STAG1: variants seen among roughly 807,000 people sequenced by gnomAD.
STAG1 encodes the protein STAG1 cohesin complex component.
Under a neutral mutation model 170.9 loss-of-function variants are expected in STAG1, and 26 were observed. That is an observed-to-expected ratio of 0.15 (90% confidence interval 0.11 to 0.21). The LOEUF is 0.21. Among genes scored for constraint, STAG1 ranks in the 10% least tolerant of loss-of-function variants. The pLI is 1.00. For missense variants in STAG1, 964 were observed against 1,509.5 expected (o/e 0.64, Z 5.99); for synonymous variants, 514 against 497.7 (o/e 1.03, Z -0.44).
intron 12 of STAG1, among the ~76,000 whole-genome samples, chr3:136,471,934 C>A (rs1576503147): frequency 6.6e-6 from 1 of 152,118 alleles, no homozygotes; most frequent in Non-Finnish European, 1.5e-5. Context: ...ACCTTCTGGG[C>A]TCAAGCGACC....
intron 1 of STAG1, among the ~76,000 whole-genome samples, chr3:136,692,117 C>T (rs1425409981): frequency 6.6e-6 from 1 of 151,486 alleles, no homozygotes; most frequent in East Asian, 1.9e-4. Context: ...GAGTTTGAGA[C>T]CAGCCTGGCC....
chr3:136,402,037 C>G (rs555080306), intron 21 of STAG1, among the ~76,000 whole-genome samples: 33 of 152,166 alleles, frequency 2.2e-4, no homozygotes, highest in Non-Finnish European at 3.7e-4. Context: ...AGCCACCGCG[C>G]CCACCCAATA....
intron 6 of STAG1, among the ~76,000 whole-genome samples, chr3:136,534,164 C>A (rs1246117033): frequency 6.6e-6 from 1 of 152,038 alleles, no homozygotes; most frequent in Non-Finnish European, 1.5e-5. Context: ...GGGATGGACA[C>A]CTCCCTTCAC....
At chr3:136,451,280 T>C (rs1471831157) in intron 14 of STAG1, among the ~76,000 whole-genome samples, 1 of 152,082 alleles carries the variant, frequency 6.6e-6, no homozygotes, top group African/African-American at 2.4e-5. Flanking sequence ...TAACTGAATA[T>C]AGCACATGGA....
intron 1 of STAG1, among the ~76,000 whole-genome samples, chr3:136,632,480 T>C (rs559991964): frequency 3.9e-4 from 60 of 152,246 alleles, no homozygotes; most frequent in African/African-American, 1.4e-3. Flanking sequence ...CAATACCAAC[T>C]TCCTTCTCAA....
intron 28 of STAG1, among the ~76,000 whole-genome samples, chr3:136,349,985 A>G (rs963395774): frequency 7.2e-5 from 11 of 151,880 alleles, no homozygotes; most frequent in African/African-American, 2.7e-4. Context: ...ATCCCTACAA[A>G]AAAAATTAGC....
At chr3:136,566,231 C>T (rs1452121992) in intron 5 of STAG1, among the ~76,000 whole-genome samples, 3 of 152,082 alleles carry the variant, frequency 2.0e-5, no homozygotes, top group African/African-American at 7.2e-5. Context: ...GAGTGGGACC[C>T]TCATGAATGA....
chr3:136,722,608 GACTCTC>G (rs1933346460), intron 1 of STAG1, among the ~76,000 whole-genome samples: 1 of 149,116 alleles, frequency 6.7e-6, no homozygotes, highest in African/African-American at 2.5e-5. Context: ...TGGAGAGCAT[GACTCTC>G]CCTCTCCCTC....
intron 1 of STAG1, among the ~76,000 whole-genome samples, chr3:136,733,578 TTGATACAGTG>T (rs1329138873): frequency 4.6e-5 from 7 of 152,208 alleles, no homozygotes; most frequent in African/African-American, 1.7e-4. Flanking sequence ...CAATTAGAAT[TTGATACAGTG>T]TGATTCAGGC....
chr3:136,416,989 G>C (rs2087794441), intron 21 of STAG1, among the ~76,000 whole-genome samples: 1 of 151,890 alleles, frequency 6.6e-6, no homozygotes, highest in Non-Finnish European at 1.5e-5. Flanking sequence ...GGGGACTACA[G>C]GCGCATGCCA....
At chr3:136,618,311 A>G (rs1424149103) in intron 3 of STAG1, among the ~76,000 whole-genome samples, 3 of 152,234 alleles carry the variant, frequency 2.0e-5, no homozygotes, top group Non-Finnish European at 4.4e-5. Context: ...GGAATGACAC[A>G]GCAGCAGGCG....
At chr3:136,496,437 A>C (rs1448601694) in intron 9 of STAG1, among the ~76,000 whole-genome samples, 1 of 152,202 alleles carries the variant, frequency 6.6e-6, no homozygotes, top group Non-Finnish European at 1.5e-5. Flanking sequence ...AAGCATTCAA[A>C]TCATACAAAC....
chr3:136,580,179 G>C (rs1380206825), intron 4 of STAG1, among the ~76,000 whole-genome samples: 2 of 151,952 alleles, frequency 1.3e-5, no homozygotes, highest in African/African-American at 4.8e-5. Context: ...ATGTTGGCCA[G>C]GATGGTCTTG....
intron 5 of STAG1, among the ~76,000 whole-genome samples, chr3:136,563,509 GAC>G (rs574379695): frequency 1.4e-3 from 205 of 150,464 alleles, no homozygotes; most frequent in African/African-American, 2.5e-3. Context: ...TAAACTTTCC[GAC>G]ACACACACAC....
intron 1 of STAG1, among the ~76,000 whole-genome samples, chr3:136,668,820 A>G (rs771896041): frequency 3.0e-4 from 45 of 152,324 alleles, no homozygotes; most frequent in South Asian, 1.7e-3. Context: ...GCTATCAGCT[A>G]ACACTCCTCA....
At chr3:136,737,965 G>A (rs544099594) in intron 1 of STAG1, among the ~76,000 whole-genome samples, 5 of 152,032 alleles carry the variant, frequency 3.3e-5, no homozygotes, top group African/African-American at 4.8e-5. Context: ...CTACTCAGGA[G>A]GCTGAGGCAG....
chr3:136,666,687 G>T (rs965455701), intron 1 of STAG1, among the ~76,000 whole-genome samples: 7 of 152,020 alleles, frequency 4.6e-5, no homozygotes, highest in African/African-American at 1.7e-4. Flanking sequence ...AGGCATGGTG[G>T]TGGGCACCTG....
At chr3:136,382,613 G>A (rs1186387089) in intron 22 of STAG1, among the ~76,000 whole-genome samples, 2 of 151,976 alleles carry the variant, frequency 1.3e-5, no homozygotes, top group African/African-American at 4.8e-5. Context: ...GTTTCGCCAT[G>A]TTGACCAGGC....
At chr3:136,446,416 GT>G (rs202210426) in intron 14 of STAG1, among the ~76,000 whole-genome samples, 1 of 150,328 alleles carries the variant, frequency 6.7e-6, no homozygotes, top group Non-Finnish European at 1.5e-5. Flanking sequence ...TCCCTTCATT[GT>G]TTTTTTTTAA....
Sources: allele counts gnomAD v4.1 joint callset (sites outside exome capture counted in the v4.1 genomes callset), GRCh38; gene constraint gnomAD v4.1.1; transcripts MANE v1.5; gene names NCBI Gene and HGNC (gene_info 2026-07-23, HGNC 2026-07-21).